The following DIAPH2 variants were observed in gnomAD, a reference collection of about 807,000 sequenced individuals.
The protein encoded by DIAPH2 is diaphanous related formin 2, also known as protein diaphanous homolog 2.
In DIAPH2, 35 loss-of-function variants were observed where a neutral mutation model predicts 92.7. The observed-to-expected ratio is 0.38, with a 90% CI of 0.29 to 0.50. DIAPH2 has a LOEUF of 0.50. DIAPH2 is among the 20% of genes least tolerant of loss of function. DIAPH2 has a pLI of 0.94. For synonymous variants in DIAPH2, 301 were observed against 280.4 expected, an observed-to-expected ratio of 1.07 and a Z score of -0.73; for missense variants, 701 against 819.5, an observed-to-expected ratio of 0.86 and a Z score of 1.77.
intron 4 of DIAPH2, among the ~76,000 whole-genome samples, chrX:96,793,993 A>G (rs754834670): frequency 9.0e-6 from 1 of 111,719 alleles, no homozygotes; most frequent in African/African-American, 3.3e-5. Context: ...ACAAAATACC[A>G]TACGTGGATT....
intron 21 of DIAPH2, among the ~76,000 whole-genome samples, chrX:97,127,643 G>A (rs1462841544): frequency 8.9e-6 from 1 of 112,604 alleles, no homozygotes; most frequent in East Asian, 2.8e-4. Flanking sequence ...ATGGCCAAGA[G>A]AGACTTGAAC....
At chrX:97,377,978 A>T (rs2069516474) in intron 24 of DIAPH2, among the ~76,000 whole-genome samples, 1 of 110,988 alleles carries the variant, frequency 9.0e-6, no homozygotes, top group African/African-American at 3.3e-5. Flanking sequence ...TAGCAAAAAA[A>T]AACCCAGAAA....
At chrX:97,441,838 T>A (rs1300858415) in intron 26 of DIAPH2, among the ~76,000 whole-genome samples, 2 of 112,834 alleles carry the variant, frequency 1.8e-5, no homozygotes, top group African/African-American at 6.4e-5. Context: ...TAAAATAAAA[T>A]AAAATTTACT....
At chrX:96,798,834 G>A (rs1569398032) in intron 4 of DIAPH2, among the ~76,000 whole-genome samples, 2 of 111,487 alleles carry the variant, frequency 1.8e-5, no homozygotes, top group Non-Finnish European at 3.8e-5. Context: ...CTTCTAACAT[G>A]TGTCCTTTTT....
chrX:96,863,646 C>A (rs1380084350), intron 4 of DIAPH2, among the ~76,000 whole-genome samples: 1 of 110,441 alleles, frequency 9.1e-6, no homozygotes, highest in Non-Finnish European at 1.9e-5. Context: ...TAGTTGAAAT[C>A]ATTTTTTACC....
intron 4 of DIAPH2, among the ~76,000 whole-genome samples, chrX:96,880,177 T>A (rs1344610282): frequency 1.8e-5 from 2 of 112,038 alleles, no homozygotes; most frequent in Non-Finnish European, 3.8e-5. Context: ...AATAACACAC[T>A]TTTATTGAAG....
intron 4 of DIAPH2, among the ~76,000 whole-genome samples, chrX:96,787,711 G>A (rs1241624327): frequency 1.6e-5 from 1 of 64,210 alleles, no homozygotes; most frequent in Non-Finnish European, 2.7e-5. Flanking sequence ...TTTTTTTTGA[G>A]ACAGAGTCTC....
At chrX:97,318,834 C>T (rs1274857899) in intron 23 of DIAPH2, among the ~76,000 whole-genome samples, 2 of 110,895 alleles carry the variant, frequency 1.8e-5, no homozygotes, top group Non-Finnish European at 3.8e-5. Context: ...TAAACATCAC[C>T]CAAAATTGGA....
chrX:97,400,612 T>A (rs1410881425), intron 25 of DIAPH2, among the ~76,000 whole-genome samples: 2 of 111,587 alleles, frequency 1.8e-5, no homozygotes, highest in Non-Finnish European at 3.8e-5. Context: ...TGCTGTACAA[T>A]CAGTCTCCAG....
intron 1 of DIAPH2, among the ~76,000 whole-genome samples, chrX:96,712,411 T>A (rs1403202464): frequency 9.0e-6 from 1 of 111,153 alleles, no homozygotes; most frequent in African/African-American, 3.3e-5. Context: ...AAGTTAGGCA[T>A]ACAGAGGGCT....
At chrX:97,131,257 A>G (rs919889449) in intron 21 of DIAPH2, among the ~76,000 whole-genome samples, 1 of 111,829 alleles carries the variant, frequency 8.9e-6, no homozygotes, top group Non-Finnish European at 1.9e-5. Flanking sequence ...TTATATGGTC[A>G]ACTAATATAC....
At chrX:96,949,342 T>G (rs970810644) in intron 15 of DIAPH2, among the ~76,000 whole-genome samples, 2 of 111,163 alleles carry the variant, frequency 1.8e-5, no homozygotes, top group African/African-American at 6.5e-5. Context: ...ACATGCTATT[T>G]TCTTTCAAAA....
intron 21 of DIAPH2, among the ~76,000 whole-genome samples, chrX:97,119,537 C>T (rs752645778): frequency 5.2e-4 from 58 of 111,847 alleles, no homozygotes; most frequent in African/African-American, 1.9e-3. Context: ...GGCCTCCTGC[C>T]GGGAGGTGGT....
rs925437996 is a variant in DIAPH2 at position 96,962,466 on chromosome X, T to C, written c.1936-2627T>C. 1.9e-4 allele frequency among the ~76,000 whole-genome samples: 9 copies of C among 48,233 alleles called. 1 individual carries two copies. Among genetic ancestry groups the C allele is most frequent in the Admixed American group, 3.3e-4 (1 of 3,048 alleles). 41.9% of individuals were successfully genotyped at this position (48,233 alleles called of 115,157 possible). ...ACATATATACACACACATATATATATACATATATATATACACACACACACA... is the reference window on the plus strand; with the variant it reads ...ACATATATACACACACATATATATACACATATATATATACACACACACACA... On this transcript the variant is annotated intron_variant, in intron 16 of 26. Coordinates refer to ENST00000324765, the MANE Select transcript of DIAPH2 (RefSeq NM_006729.5).
chrX:97,365,307 A>G lies in DIAPH2; in HGVS notation c.3009+17027A>G, dbSNP rs1435868533. On this transcript the variant is annotated intron_variant, in intron 24 of 26. Transcript: ENST00000324765. ...CCATGGACTACTGCAGTAATCTTTT[A>G]GTTCTCCTGAGCTTAGTCTTAGCAC... Among the ~76,000 whole-genome samples the G allele has an allele frequency of 4.5e-5, 5 of 111,743 alleles. No individual in the cohort carries two copies. The East Asian group carries it at 1.4e-3, about 31-fold the overall frequency.
chrX:96,728,428 C>G (rs762626469), intron 1 of DIAPH2, among the ~76,000 whole-genome samples: 5 of 111,250 alleles, frequency 4.5e-5, no homozygotes, highest in South Asian at 3.8e-4. Flanking sequence ...TCAGGCTGGT[C>G]TCGAATTCCT....
chrX:96,897,511 G>T (rs188815054), intron 5 of DIAPH2, among the ~76,000 whole-genome samples: 135 of 110,385 alleles, frequency 1.2e-3, no homozygotes, highest in African/African-American at 4.3e-3. Flanking sequence ...GTTGCAAAGT[G>T]AATAGTGAAG....
At chrX:97,439,569 CAA>C (rs200327735) in intron 26 of DIAPH2, among the ~76,000 whole-genome samples, 3 of 86,158 alleles carry the variant, frequency 3.5e-5, no homozygotes, top group Admixed American at 1.3e-4. Context: ...GACTCCGTCT[CAA>C]AAAAAAAAAA....
chrX:97,472,854 C>A (rs1329884470), intron 26 of DIAPH2, among the ~76,000 whole-genome samples: 1 of 112,178 alleles, frequency 8.9e-6, no homozygotes, highest in Non-Finnish European at 1.9e-5. Flanking sequence ...GAATTAATTT[C>A]TCCAATTGAT....
Sources: gnomAD v4.1 joint callset for allele counts (sites outside exome capture counted in the v4.1 genomes callset) on GRCh38, gnomAD v4.1.1 for gene constraint, MANE v1.5 for transcripts, NCBI Gene and HGNC (gene_info 2026-07-23, HGNC 2026-07-21) for gene names.